The following CDH12 variants were observed in gnomAD, a reference collection of about 807,000 sequenced individuals.
CDH12 encodes cadherin-12.
In CDH12, 41 loss-of-function variants were observed where a neutral mutation model predicts 74.1. That is an observed-to-expected ratio of 0.55 (90% CI 0.43 to 0.72). The LOEUF (loss-of-function observed/expected upper bound fraction) is 0.72. Among genes scored for constraint, CDH12 ranks in the 30% least tolerant of loss-of-function variants. CDH12 has a pLI of 0.00. For missense variants in CDH12, 945 were observed against 977.2 expected (o/e 0.97, Z 0.44); for synonymous variants, 399 against 355.0 (o/e 1.12, Z -1.39).
chr5:22,506,486 C>T (rs753323108), intron 1 of CDH12, among the ~76,000 whole-genome samples: 14 of 152,102 alleles, frequency 9.2e-5, no homozygotes, highest in Admixed American at 3.9e-4. Context: ...TTTTGACATA[C>T]CATATTGGTT....
chr5:22,206,154 TCCA>T (rs1025089802), intron 4 of CDH12, among the ~76,000 whole-genome samples: 1 of 152,072 alleles, frequency 6.6e-6, no homozygotes, highest in Non-Finnish European at 1.5e-5. Flanking sequence ...TAGACACTAG[TCCA>T]CCCATGGCAG....
chr5:22,574,661 CTA>C (rs1380432700), intron 1 of CDH12, among the ~76,000 whole-genome samples: 1 of 152,122 alleles, frequency 6.6e-6, no homozygotes, highest in Non-Finnish European at 1.5e-5. Context: ...TAAAAAGCCT[CTA>C]TCTTAGGTTC....
At chr5:22,349,661 ATATG>A (rs1166809031) in intron 3 of CDH12, among the ~76,000 whole-genome samples, 3 of 152,068 alleles carry the variant, frequency 2.0e-5, no homozygotes, top group African/African-American at 7.2e-5. Context: ...TCACCCCCAA[ATATG>A]TTTCTCATTT....
chr5:22,050,646 C>A (rs908649388), intron 5 of CDH12, among the ~76,000 whole-genome samples: 5 of 152,114 alleles, frequency 3.3e-5, no homozygotes, highest in African/African-American at 4.8e-5. Flanking sequence ...TGTTCAGCTG[C>A]ACACACCTGG....
intron 9 of CDH12, among the ~76,000 whole-genome samples, chr5:21,813,650 A>G (rs1488971197): frequency 6.6e-6 from 1 of 152,090 alleles, no homozygotes; most frequent in African/African-American, 2.4e-5. Flanking sequence ...CCTTCACTTC[A>G]TTCCAGCCCC....
chr5:22,461,248 G>A (rs1463963837), intron 2 of CDH12, among the ~76,000 whole-genome samples: 6 of 151,608 alleles, frequency 4.0e-5, no homozygotes, highest in East Asian at 2.0e-4. Flanking sequence ...GGGTGGTCTC[G>A]AACTCCTGAC....
intron 4 of CDH12, among the ~76,000 whole-genome samples, chr5:22,181,711 C>T (rs1749654577): frequency 6.6e-6 from 1 of 152,072 alleles, no homozygotes; most frequent in South Asian, 2.1e-4. Context: ...CCTGTTTCTT[C>T]CATCAATATC....
At chr5:21,800,606 G>A (rs762689843) in intron 10 of CDH12, among the ~76,000 whole-genome samples, 7 of 152,234 alleles carry the variant, frequency 4.6e-5, no homozygotes, top group Middle Eastern at 3.4e-3. Flanking sequence ...TCTGCTGGTC[G>A]CTTGATCTTG....
chr5:22,706,761 A>G (rs531752242), intron 1 of CDH12, among the ~76,000 whole-genome samples: 1 of 152,270 alleles, frequency 6.6e-6, no homozygotes, highest in African/African-American at 2.4e-5. Context: ...TGAATTACTG[A>G]GAAAAAGTTG....
At chr5:22,728,695 T>C (rs2127000629) in intron 1 of CDH12, among the ~76,000 whole-genome samples, 1 of 151,998 alleles carries the variant, frequency 6.6e-6, no homozygotes, top group East Asian at 1.9e-4. Context: ...ATCCAGTGTC[T>C]GTTAGGAGTC....
chr5:21,985,874 ACT>A (rs1257579837), intron 5 of CDH12, among the ~76,000 whole-genome samples: 2 of 152,120 alleles, frequency 1.3e-5, no homozygotes, highest in Non-Finnish European at 2.9e-5. Context: ...ATGATCTATA[ACT>A]CTGCCTGAGT....
chr5:22,819,881 T>C (rs1749582424), intron 1 of CDH12, among the ~76,000 whole-genome samples: 1 of 148,908 alleles, frequency 6.7e-6, no homozygotes. Context: ...TATATATATT[T>C]ATATCCAGAT....
chr5:22,412,364 C>A (rs1580620419), intron 2 of CDH12, among the ~76,000 whole-genome samples: 1 of 151,888 alleles, frequency 6.6e-6, no homozygotes, highest in East Asian at 1.9e-4. Context: ...TGTTTCATGT[C>A]TTTCGGTTTA....
chr5:22,547,244 T>C (rs1171240450), intron 1 of CDH12, among the ~76,000 whole-genome samples: 1 of 152,204 alleles, frequency 6.6e-6, no homozygotes, highest in Non-Finnish European at 1.5e-5. Flanking sequence ...GTTCAATATT[T>C]ACTGGATCAC....
intron 8 of CDH12, among the ~76,000 whole-genome samples, chr5:21,822,439 T>C (rs992524647): frequency 6.6e-6 from 1 of 151,904 alleles, no homozygotes; most frequent in African/African-American, 2.4e-5. Flanking sequence ...AGAAAAAAAA[T>C]GTTTTGGTGG....
chr5:21,920,684 T>TAATAATAATAATAATA (rs1754313499), intron 6 of CDH12, among the ~76,000 whole-genome samples: 1 of 149,810 alleles, frequency 6.7e-6, no homozygotes, highest in Non-Finnish European at 1.5e-5. Context: ...ATAATAATAA[T>TAATAATAATAATAATA]AATAATCTTC....
At chr5:22,486,151 T>G (rs1205401163) in intron 2 of CDH12, among the ~76,000 whole-genome samples, 3 of 152,166 alleles carry the variant, frequency 2.0e-5, no homozygotes, top group Non-Finnish European at 2.9e-5. Flanking sequence ...TTTCTTCCCA[T>G]GATGTCCTTG....
chr5:22,313,127 T>C (rs1738461141), intron 3 of CDH12, among the ~76,000 whole-genome samples: 1 of 152,146 alleles, frequency 6.6e-6, no homozygotes, highest in Non-Finnish European at 1.5e-5. Flanking sequence ...TTACTCCCCT[T>C]GGTGGAGAAG....
At chr5:22,159,695 C>T (rs1249025880) in intron 4 of CDH12, among the ~76,000 whole-genome samples, 4 of 152,148 alleles carry the variant, frequency 2.6e-5, no homozygotes, top group Non-Finnish European at 2.9e-5. Flanking sequence ...ACCTTGTAGA[C>T]AAATGGCTTA....
Sources: gnomAD v4.1 joint callset for allele counts (sites outside exome capture counted in the v4.1 genomes callset) on GRCh38, gnomAD v4.1.1 for gene constraint, MANE v1.5 for transcripts, NCBI Gene and HGNC (gene_info 2026-07-23, HGNC 2026-07-21) for gene names.